SORCS2: variants seen among roughly 807,000 people sequenced by gnomAD.
The protein encoded by SORCS2 is VPS10 domain-containing receptor SorCS2.
In SORCS2, 100 loss-of-function variants were observed where a neutral mutation model predicts 141.6. That is an observed-to-expected ratio of 0.71 (90% CI 0.60 to 0.83). SORCS2 has a LOEUF of 0.83. SORCS2 is among the 40% of genes least tolerant of loss of function. SORCS2 has a pLI of 0.00. For synonymous variants in SORCS2, 789 were observed against 676.9 expected (o/e 1.17, Z -2.57); for missense variants, 1,646 against 1,560.2 (o/e 1.05, Z -0.93).
At chr4:7,707,783 TGAG>T in intron 14 of SORCS2, among the ~76,000 whole-genome samples, 1 of 152,256 alleles carries the variant, frequency 6.6e-6, no homozygotes, top group South Asian at 2.1e-4. Context: ...GATGCACCTG[TGAG>T]GATGACACAG....
chr4:7,379,419 C>A (rs941685351), intron 1 of SORCS2, among the ~76,000 whole-genome samples: 1 of 152,094 alleles, frequency 6.6e-6, no homozygotes, highest in Non-Finnish European at 1.5e-5. Flanking sequence ...TTCAGATAAG[C>A]GTGAGGAGGG....
chr4:7,307,738 G>C (rs1485890220), intron 1 of SORCS2, among the ~76,000 whole-genome samples: 3 of 152,198 alleles, frequency 2.0e-5, no homozygotes, highest in Non-Finnish European at 4.4e-5. Context: ...GAAGCTGTGA[G>C]TGGTGTGTTT....
chr4:7,225,601 T>A (rs1039992524), intron 1 of SORCS2, among the ~76,000 whole-genome samples: 3 of 152,072 alleles, frequency 2.0e-5, no homozygotes, highest in South Asian at 2.1e-4. Flanking sequence ...CAGGCCCAGC[T>A]GGGGGTTGGG....
At chr4:7,291,720 G>A (rs1298813489) in intron 1 of SORCS2, among the ~76,000 whole-genome samples, 1 of 152,172 alleles carries the variant, frequency 6.6e-6, no homozygotes, top group Non-Finnish European at 1.5e-5. Flanking sequence ...CAAGTCCTGT[G>A]GGCCCATCCC....
chr4:7,344,167 C>T (rs76805615), intron 1 of SORCS2, among the ~76,000 whole-genome samples: 22,703 of 152,158 alleles, frequency 0.15, 1,951 homozygotes, highest in Non-Finnish European at 0.2. Flanking sequence ...TTTGACTTAA[C>T]TAACTATCAG....
chr4:7,536,180 G>C (rs1041761187), intron 3 of SORCS2, among the ~76,000 whole-genome samples: 2 of 152,220 alleles, frequency 1.3e-5, no homozygotes, highest in Admixed American at 1.3e-4. Context: ...AGGCTCCACT[G>C]TTCCTTCTCT....
Position 7,355,167 on chromosome 4 carries a change from C to T in SORCS2, c.481-41121C>T, listed in dbSNP as rs116617055. 3.8e-3 allele frequency among the ~76,000 whole-genome samples: 576 copies of T among 152,216 alleles called. 3 individuals are homozygous for T. The highest frequency in any genetic ancestry group is 0.013 in the African/African-American group (536 of 41,516). On this transcript the variant is annotated intron_variant, in intron 1 of 26. Coordinates refer to ENST00000507866, the MANE Select transcript of SORCS2 (RefSeq NM_020777.3). ...CTGGGAGGAAACTGGGCCTGAATCA[C>T]CACTCTGTCCTCACGAGCTGGAGCC... is the stretch of plus-strand genomic sequence containing the variant.
At chr4:7,539,046 C>T (rs1383512433) in intron 3 of SORCS2, among the ~76,000 whole-genome samples, 4 of 152,140 alleles carry the variant, frequency 2.6e-5, no homozygotes, top group Non-Finnish European at 4.4e-5. Flanking sequence ...AAATTGAGGC[C>T]CAGAGAGGCC....
intron 1 of SORCS2, among the ~76,000 whole-genome samples, chr4:7,360,339 A>G (rs1362949323): frequency 6.6e-6 from 1 of 152,066 alleles, no homozygotes; most frequent in African/African-American, 2.4e-5. Context: ...GTGGCAGGGA[A>G]GGGGTCCCAA....
chr4:7,340,635 T>C (rs1387343854), intron 1 of SORCS2, among the ~76,000 whole-genome samples: 2 of 152,170 alleles, frequency 1.3e-5, no homozygotes, highest in African/African-American at 4.8e-5. Flanking sequence ...TCCTCTGCAC[T>C]CTTGCACGTG....
rs186107722 is a variant in SORCS2, at chr4:7,554,089, G to A, written c.648+22460G>A. Reference sequence around the variant, plus strand: ...ATGTTCATGAAACGAGGGAACAAATGCAAGGCCAAAAAATCATACGGAAAG... The same window carrying A: ...ATGTTCATGAAACGAGGGAACAAATACAAGGCCAAAAAATCATACGGAAAG... On this transcript the variant is annotated intron_variant, in intron 3 of 26. Coordinates refer to ENST00000507866, the MANE Select transcript of SORCS2 (RefSeq NM_020777.3). Among the ~76,000 whole-genome samples, 303 of 102,482 alleles carry A rather than the reference G, an allele frequency of 3.0e-3. 1 individual carries two copies. The highest frequency in any genetic ancestry group is 4.5e-3 in the Non-Finnish European group (225 of 49,868). The allele number at this position is 102,482 out of a possible 152,430, so 67.2% of individuals were successfully genotyped here.
At chr4:7,545,803 C>T (rs1001113728) in intron 3 of SORCS2, among the ~76,000 whole-genome samples, 5 of 152,228 alleles carry the variant, frequency 3.3e-5, no homozygotes, top group Non-Finnish European at 2.9e-5. Flanking sequence ...CCAGAGTGCA[C>T]GCTCTGCCTC....
In SORCS2 at chr4:7,690,143, GTGGA is replaced by G. The variant is rs891827358; in HGVS notation, c.1591+559_1591+562del. 5.3e-5 allele frequency among the ~76,000 whole-genome samples: 8 copies of G among 151,350 alleles called. No homozygotes were observed. In the East Asian group the frequency reaches 5.9e-4, roughly 11 times the overall value. ...ATGATGGTGGATGGGTGGTGGATACGTGGATGGGTGGGTGGGTGGATGGATGAGT... is the reference window on the plus strand; with the variant it reads ...ATGATGGTGGATGGGTGGTGGATACGTGGGTGGGTGGGTGGATGGATGAGT... On this transcript the variant is annotated intron_variant, in intron 11 of 26. Transcript: ENST00000507866.
In SORCS2 at chr4:7,277,133, T is replaced by C. The variant is rs1436517879; in HGVS notation, c.480+84007T>C. On this transcript the variant is annotated intron_variant, in intron 1 of 26. Coordinates refer to ENST00000507866, the MANE Select transcript of SORCS2 (RefSeq NM_020777.3). ...TCTCCTGGGCTCCTTTGGCTGTGTA[T>C]GGAGGGTGGGTGGGTGGGGATTCTT... Among the ~76,000 whole-genome samples the C allele has an allele frequency of 1.3e-3, 3 of 2,314 alleles. No individual in the cohort carries two copies. The East Asian group carries it at 0.027, about 21-fold the overall frequency. 1.5% of individuals were successfully genotyped at this position (2,314 alleles called of 152,430 possible). A position where few individuals can be genotyped will look rare whatever the true frequency, so the allele number is the denominator to read the frequency against.
At chr4:7,695,528 ATGGG>A (rs1560489920) in intron 11 of SORCS2, among the ~76,000 whole-genome samples, 6 of 14,686 alleles carry the variant, frequency 4.1e-4, no homozygotes, top group African/African-American at 1.3e-3. Context: ...GGGTGAGTGG[ATGGG>A]TGGGTGGGTG....
chr4:7,652,145 C>T (rs1721485297), intron 4 of SORCS2, among the ~76,000 whole-genome samples: 2 of 152,164 alleles, frequency 1.3e-5, no homozygotes, highest in South Asian at 4.1e-4. Flanking sequence ...GAGATGCCTT[C>T]CCCACCCGAC....
chr4:7,289,839 C>G (rs1248584128), intron 1 of SORCS2, among the ~76,000 whole-genome samples: 4 of 152,196 alleles, frequency 2.6e-5, no homozygotes, highest in African/African-American at 9.7e-5. Context: ...CCCTTCCTCC[C>G]GAGACGCTGC....
chr4:7,704,338 G>A lies in SORCS2; in HGVS notation c.1868+54G>A. ...TGGTGGCAGGGCAGAGCCATGCTGGGCCTCCCTGGGCCTACTGTGTCCTTC... is the reference window on the plus strand; with the variant it reads ...TGGTGGCAGGGCAGAGCCATGCTGGACCTCCCTGGGCCTACTGTGTCCTTC... On this transcript the variant is annotated intron_variant, in intron 14 of 26. Transcript: ENST00000507866. 4.1e-6 allele frequency: 6 copies of A among 1,455,224 alleles called. No individual in the cohort carries two copies. In the South Asian group the frequency reaches 6.4e-5, roughly 15 times the overall value. The allele number at this position is 1,455,224 out of a possible 1,614,324, so 90.1% of individuals were successfully genotyped here.
rs137867289 is a variant in SORCS2, at chr4:7,734,291, C to T, written c.3228C>T (p.Gly1076=). ...DTGTGAEQLG[G]GGGYWAVVVL... The stretch of plus-strand genomic sequence containing the variant: ...TTGCAGGTGCTGAGCAGCTGGGCGG[C>T]GGTGGCGGCTACTGGGCGGTAGTGG... Residue 1076 remains glycine, a synonymous_variant, in exon 25 of 27, where the codon GGC becomes GGT. Coordinates refer to ENST00000507866, the MANE Select transcript of SORCS2 (RefSeq NM_020777.3). 3.1e-3 allele frequency: 4,976 copies of T among 1,601,774 alleles called. 78 individuals are homozygous for T. The East Asian group carries it at 0.033, about 11-fold the overall frequency.
Sources: allele counts gnomAD v4.1 joint callset (sites outside exome capture counted in the v4.1 genomes callset), GRCh38; gene constraint gnomAD v4.1.1; transcripts MANE v1.5; gene names NCBI Gene and HGNC (gene_info 2026-07-23, HGNC 2026-07-21).